The following USP54 variants were observed in gnomAD, a reference collection of about 807,000 sequenced individuals.
USP54 encodes ubiquitin specific peptidase 54.
A neutral mutation model predicts 170.5 loss-of-function variants in USP54; 87 were observed. The ratio of observed to expected loss-of-function variants is 0.51; its 90% CI spans 0.43 to 0.61. The LOEUF (loss-of-function observed/expected upper bound fraction) is 0.61. Among genes scored for constraint, USP54 ranks in the 20% least tolerant of loss-of-function variants. USP54 has a pLI of 0.00. For synonymous variants in USP54, 655 were observed against 742.8 expected (o/e 0.88, Z 1.92); for missense variants, 1,786 against 2,047.8 (o/e 0.87, Z 2.47).
intron 3 of USP54, among the ~76,000 whole-genome samples, chr10:73,573,124 A>G (rs2075500850): frequency 6.6e-6 from 1 of 151,996 alleles, no homozygotes; most frequent in African/African-American, 2.4e-5. Flanking sequence ...CTCTCCACAA[A>G]CAATTAAAAA....
chr10:73,534,518 C>A (rs1410870476), intron 12 of USP54, 82 bp downstream of exon 12: 1 of 1,513,742 alleles, frequency 6.6e-7, no homozygotes. Context: ...AGCCACTGCG[C>A]CTGGCCTCAC....
chr10:73,624,986 T>C (rs1180644807), intron 1 of USP54, among the ~76,000 whole-genome samples: 2 of 152,226 alleles, frequency 1.3e-5, no homozygotes, highest in Non-Finnish European at 2.9e-5. Flanking sequence ...AAAAAAATTG[T>C]TTTTTAAGTT....
At chr10:73,579,830 A>G (rs746093636) in intron 1 of USP54, among the ~76,000 whole-genome samples, 1 of 152,220 alleles carries the variant, frequency 6.6e-6, no homozygotes, top group East Asian at 1.9e-4. Flanking sequence ...TGAACATTTC[A>G]CCAAACAAGA....
chr10:73,523,880 T>TTTATTA (rs938693499), intron 16 of USP54, 130 bp from the exon 17 acceptor site: 48 of 161,004 alleles, frequency 3.0e-4, no homozygotes, highest in Non-Finnish European at 4.8e-4. Flanking sequence ...TTATTTATTA[T>TTTATTA]TTATTATTAT....
In USP54 at chr10:73,530,390, A is replaced by G. The variant is rs2063741965; in HGVS notation, c.1581T>C (p.Asn527=). 1 of 1,614,012 alleles carries G rather than the reference A, an allele frequency of 6.2e-7. No homozygotes were observed. Among genetic ancestry groups the G allele is most frequent in the African/African-American group, 1.3e-5 (1 of 74,892 alleles). ...CTCTGCCCCTGCAGTGAGAGCCTAC[A>G]TTGGTCTGAGAAGCCAGGGATGGTC... ...HNRPSLASQT[N]VGSHCRGRGG... The change falls in exon 14 of 24, where the codon AAT becomes AAC. Residue 527 remains asparagine (N), a synonymous_variant. Transcript: ENST00000687698.
intron 20 of USP54, 128 bp from the exon 21 acceptor site, chr10:73,505,554 G>T: frequency 1.4e-6 from 1 of 718,444 alleles, no homozygotes; most frequent in Non-Finnish European, 2.3e-6. Context: ...TGAATTCAAC[G>T]GAGGAACATG....
At chr10:73,545,276 G>A (rs1347034609) in intron 5 of USP54, among the ~76,000 whole-genome samples, 1 of 152,148 alleles carries the variant, frequency 6.6e-6, no homozygotes, top group Non-Finnish European at 1.5e-5. Flanking sequence ...GGTACAATCT[G>A]TATTTTAATG....
intron 20 of USP54, among the ~76,000 whole-genome samples, chr10:73,508,514 G>GT (rs1410806501): frequency 6.6e-6 from 1 of 151,868 alleles, no homozygotes; most frequent in Non-Finnish European, 1.5e-5. Flanking sequence ...CTCATCAATA[G>GT]AAAGACTACC....
intron 4 of USP54, among the ~76,000 whole-genome samples, chr10:73,564,022 G>T (rs1040425906): frequency 2.6e-4 from 40 of 151,092 alleles, no homozygotes; most frequent in African/African-American, 9.5e-4. Flanking sequence ...AAAACACTGA[G>T]ACAGAGTCTC....
Position 73,530,237 on chromosome 10 carries a change from G to T in USP54, c.1734C>A (p.Pro578=). 1 of 1,614,104 alleles carries T rather than the reference G, an allele frequency of 6.2e-7. No individual in the cohort carries two copies. ...SSSKYRPTWR[P]KRESLNIDSI... is the part of the protein sequence containing the mutation. Reference sequence around the variant, plus strand: ...TGTCAATATTCAGAGATTCTCGTTTGGGTCTCCATGTGGGACGATACTTGC... The same window carrying T: ...TGTCAATATTCAGAGATTCTCGTTTTGGTCTCCATGTGGGACGATACTTGC... Residue 578 remains proline (P), a synonymous_variant, in exon 14 of 24, where the codon CCC becomes CCA. Transcript: ENST00000687698.
At chr10:73,542,146 T>C (rs2066744400) in intron 7 of USP54, among the ~76,000 whole-genome samples, 1 of 152,222 alleles carries the variant, frequency 6.6e-6, no homozygotes, top group African/African-American at 2.4e-5. Flanking sequence ...GTTACCTGGC[T>C]GGAGTGCAGG....
chr10:73,546,535 A>G (rs546701197), intron 4 of USP54: 8 of 152,242 alleles, frequency 5.3e-5, no homozygotes, highest in Middle Eastern at 3.4e-3. Flanking sequence ...GGGTCTCACC[A>G]TGTTGTCCAG....
intron 4 of USP54, among the ~76,000 whole-genome samples, chr10:73,555,434 A>G (rs1160806039): frequency 6.6e-6 from 1 of 152,238 alleles, no homozygotes; most frequent in African/African-American, 2.4e-5. Flanking sequence ...AGACAATCAT[A>G]AGCTACATAT....
chr10:73,565,611 G>A (rs764657905), intron 4 of USP54, among the ~76,000 whole-genome samples: 2 of 152,088 alleles, frequency 1.3e-5, no homozygotes, highest in African/African-American at 4.8e-5. Flanking sequence ...CGTTTGTTAC[G>A]TAAATTTCAG....
chr10:73,590,135 A>T (rs940020979), intron 1 of USP54, among the ~76,000 whole-genome samples: 1 of 152,116 alleles, frequency 6.6e-6, no homozygotes. Flanking sequence ...AATAGTGATT[A>T]TTTTTCTCAC....
intron 20 of USP54, chr10:73,507,310 T>C (rs1383752598): frequency 2.1e-4 from 32 of 152,056 alleles, no homozygotes; most frequent in Non-Finnish European, 4.4e-5. Flanking sequence ...TATAAAATTA[T>C]TTCTGTATTT....
At chr10:73,504,749 A>C (rs1446638621) in intron 22 of USP54, 101 bp downstream of exon 22, 11 of 1,508,572 alleles carry the variant, frequency 7.3e-6, no homozygotes, top group Non-Finnish European at 1.0e-5. Context: ...GCCTTTCCTC[A>C]CATTACAACC....
chr10:73,539,323 TG>T, intron 10 of USP54, 120 bp downstream of exon 10: 6 of 437,664 alleles, frequency 1.4e-5, no homozygotes, highest in South Asian at 9.7e-5. Flanking sequence ...TATATATATA[TG>T]TTTTATAGAA....
At chr10:73,608,628 G>A (rs921060016) in intron 1 of USP54, among the ~76,000 whole-genome samples, 4 of 152,166 alleles carry the variant, frequency 2.6e-5, no homozygotes, top group Admixed American at 1.3e-4. Context: ...AGGCTTGGTG[G>A]CTCATGCCTG....
Sources: allele counts gnomAD v4.1 joint callset (sites outside exome capture counted in the v4.1 genomes callset), GRCh38; gene constraint gnomAD v4.1.1; transcripts MANE v1.5; gene names NCBI Gene and HGNC (gene_info 2026-07-23, HGNC 2026-07-21).